MS4A13: variants seen among roughly 807,000 people sequenced by gnomAD.
The protein encoded by MS4A13 is membrane-spanning 4-domains subfamily A member 13.
A neutral mutation model predicts 18.4 loss-of-function variants in MS4A13; 21 were observed. That is an observed-to-expected ratio of 1.14 (90% CI 0.81 to 1.64). MS4A13 has a LOEUF of 1.64. Among genes scored for constraint, MS4A13 ranks in the 40% most tolerant of loss-of-function variants. MS4A13 has a pLI of 0.00. For synonymous variants in MS4A13, 62 were observed against 57.2 expected (o/e 1.08, Z -0.38); for missense variants, 173 against 176.8 (o/e 0.98, Z 0.12).
chr11:60,528,845 A>G (rs1267702832), intron 5 of MS4A13, among the ~76,000 whole-genome samples: 1 of 152,224 alleles, frequency 6.6e-6, no homozygotes, highest in Admixed American at 6.5e-5. Flanking sequence ...CTTCCAAGTT[A>G]AATGTTCTTT....
intron 6 of MS4A13, among the ~76,000 whole-genome samples, chr11:60,532,299 A>G (rs1018012848): frequency 6.6e-6 from 1 of 152,210 alleles, no homozygotes; most frequent in East Asian, 1.9e-4. Context: ...CAGTGGGCGC[A>G]GGCCAGTGTG....
chr11:60,538,193 G>GAAA (rs373782147), intron 6 of MS4A13, among the ~76,000 whole-genome samples: 1 of 107,674 alleles, frequency 9.3e-6, no homozygotes, highest in Non-Finnish European at 2.0e-5. Context: ...AAAAAAAAAC[G>GAAA]AAAAAAAAAA....
chr11:60,518,285 A>C (rs969599440), intron 3 of MS4A13, 73 bp downstream of exon 3: 1 of 1,290,652 alleles, frequency 7.7e-7, no homozygotes, highest in Non-Finnish European at 1.1e-6. Flanking sequence ...AAGGTAGGGA[A>C]CGGTTTCTGA....
chr11:60,528,702 A>G (rs1385949899), intron 5 of MS4A13, among the ~76,000 whole-genome samples: 1 of 152,176 alleles, frequency 6.6e-6, no homozygotes, highest in Non-Finnish European at 1.5e-5. Context: ...GCCAGCACAA[A>G]ACCCACATTT....
At chr11:60,521,196 G>A (rs1256358357) in intron 3 of MS4A13, among the ~76,000 whole-genome samples, 5 of 152,356 alleles carry the variant, frequency 3.3e-5, no homozygotes, top group African/African-American at 1.2e-4. Context: ...CAGGGCCTGT[G>A]ATGGGAGGGG....
chr11:60,526,287 A>C (rs2135256017), intron 5 of MS4A13, among the ~76,000 whole-genome samples: 1 of 152,370 alleles, frequency 6.6e-6, no homozygotes, highest in East Asian at 1.9e-4. Flanking sequence ...AAAATTGTCC[A>C]GTTGCCCTGA....
chr11:60,519,804 T>C (rs2086661722), intron 3 of MS4A13, among the ~76,000 whole-genome samples: 1 of 152,094 alleles, frequency 6.6e-6, no homozygotes, highest in South Asian at 2.1e-4. Context: ...TTTAAGTTAG[T>C]GATGGAAAGA....
Position 60,542,646 on chromosome 11 carries a change from C to A in MS4A13, c.*71C>A. 2.2e-6 allele frequency: 2 copies of A among 902,270 alleles called. No individual in the cohort carries two copies. The highest frequency in any genetic ancestry group is 1.7e-6 in the Non-Finnish European group (1 of 594,392). The allele number at this position is 902,270 out of a possible 1,614,324, so 55.9% of individuals were successfully genotyped here. On this transcript the variant is annotated 3_prime_UTR_variant, in exon 7 of 7. Transcript: ENST00000378186. ...GGGTCCTAATGATATCTCTGTATAA[C>A]AAAGCAGTTACGAAGCCTACAGATT... is the stretch of plus-strand genomic sequence containing the variant.
At chr11:60,531,460 G>C (rs2086766245) in intron 6 of MS4A13, among the ~76,000 whole-genome samples, 1 of 152,168 alleles carries the variant, frequency 6.6e-6, no homozygotes, top group African/African-American at 2.4e-5. Flanking sequence ...TGAGCCCTTG[G>C]TTGAACAAGA....
chr11:60,519,221 G>A (rs773072339), intron 3 of MS4A13, among the ~76,000 whole-genome samples: 72 of 152,234 alleles, frequency 4.7e-4, no homozygotes, highest in Admixed American at 4.6e-4. Flanking sequence ...GATTTTCACC[G>A]CTGGAGATGT....
At chr11:60,539,759 C>T (rs1242100023) in intron 6 of MS4A13, among the ~76,000 whole-genome samples, 2 of 152,078 alleles carry the variant, frequency 1.3e-5, no homozygotes, top group Admixed American at 6.6e-5. Flanking sequence ...ATATAAACAG[C>T]TGGGTTCTCA....
At chr11:60,523,993 T>C (rs1394158759) in intron 4 of MS4A13, 40 bp downstream of exon 4, 2 of 1,212,614 alleles carry the variant, frequency 1.6e-6, no homozygotes, top group South Asian at 2.5e-5. Context: ...AAATCACTTA[T>C]CACAAAGCTA....
chr11:60,515,996 G>A lies in MS4A13; in HGVS notation c.-101G>A, dbSNP rs541480730. On this transcript the variant is annotated 5_prime_UTR_variant, in exon 2 of 7. Coordinates refer to ENST00000378186, the MANE Select transcript of MS4A13 (RefSeq NM_001012417.3). ...GTTTGCTAATAAAGACATCACCAAA[G>A]GTTAAAGAGAAAATCATCTAGAGGA... The A allele has an allele frequency of 2.0e-5, 3 of 152,250 alleles. No homozygotes were observed. The highest frequency in any genetic ancestry group is 4.2e-4 in the South Asian group (2 of 4,812). 9.4% of individuals were successfully genotyped at this position (152,250 alleles called of 1,614,324 possible).
intron 3 of MS4A13, among the ~76,000 whole-genome samples, chr11:60,518,694 GATCAACTATATTAT>G (rs1422045418): frequency 6.6e-6 from 1 of 152,170 alleles, no homozygotes; most frequent in African/African-American, 2.4e-5. Flanking sequence ...AATGAGGAAG[GATCAACTATATTAT>G]ATTTTGTTGT....
chr11:60,539,741 C>A (rs532999309), intron 6 of MS4A13, among the ~76,000 whole-genome samples: 7 of 152,036 alleles, frequency 4.6e-5, no homozygotes, highest in African/African-American at 1.2e-4. Flanking sequence ...TATAAGGGAA[C>A]CACAATAATA....
chr11:60,519,761 A>C (rs961030218), intron 3 of MS4A13, among the ~76,000 whole-genome samples: 4 of 152,204 alleles, frequency 2.6e-5, no homozygotes, highest in Non-Finnish European at 5.9e-5. Context: ...GCAAGTGGAT[A>C]TAGGGCAGTG....
chr11:60,531,488 G>A (rs2086766463), intron 6 of MS4A13, among the ~76,000 whole-genome samples: 1 of 152,118 alleles, frequency 6.6e-6, no homozygotes, highest in African/African-American at 2.4e-5. Flanking sequence ...CAAAAATAAA[G>A]TAAAAGCTGG....
At chr11:60,531,223 T>A (rs2086764092) in intron 6 of MS4A13, among the ~76,000 whole-genome samples, 1 of 151,956 alleles carries the variant, frequency 6.6e-6, no homozygotes, top group Admixed American at 6.6e-5. Context: ...GTAATCCCAG[T>A]GACAAACAAG....
At chr11:60,521,267 A>G (rs753952159) in intron 3 of MS4A13, among the ~76,000 whole-genome samples, 1 of 152,248 alleles carries the variant, frequency 6.6e-6, no homozygotes. Context: ...GAGAATTAAC[A>G]TTCAGCTCCT....
Sources: gnomAD v4.1 joint callset for allele counts (sites outside exome capture counted in the v4.1 genomes callset) on GRCh38, gnomAD v4.1.1 for gene constraint, MANE v1.5 for transcripts, NCBI Gene and HGNC (gene_info 2026-07-23, HGNC 2026-07-21) for gene names.